The following COL5A2 variants were observed in gnomAD, a reference collection of about 807,000 sequenced individuals.
COL5A2 encodes collagen type V alpha 2 chain.
In COL5A2, 23 loss-of-function variants were observed where a neutral mutation model predicts 208.2. That is an observed-to-expected ratio of 0.11 (90% CI 0.08 to 0.16). The LOEUF is 0.16. Ranked by LOEUF, COL5A2 falls within the 10% of genes least tolerant of loss-of-function variation. The pLI is 1.00. For synonymous variants in COL5A2, 625 were observed against 628.5 expected (o/e 0.99, Z 0.08); for missense variants, 1,590 against 1,956.4 (o/e 0.81, Z 3.53).
At chr2:189,193,530 G>A (rs534569604) in intron 1 of COL5A2, among the ~76,000 whole-genome samples, 63 of 152,284 alleles carry the variant, frequency 4.1e-4, no homozygotes, top group African/African-American at 1.5e-3. Flanking sequence ...TCTTTGTTCT[G>A]AAATTGCAAA....
At chr2:189,377,352 C>G in the COL5A2 span, among the ~76,000 whole-genome samples, 1 of 152,184 alleles carries the variant, frequency 6.6e-6, no homozygotes, top group Admixed American at 6.5e-5. Flanking sequence ...GCCTGTATTA[C>G]TGGAGCACTT....
At chr2:189,398,640 G>T in the COL5A2 span, among the ~76,000 whole-genome samples, 1 of 151,578 alleles carries the variant, frequency 6.6e-6, no homozygotes, top group South Asian at 2.1e-4. Context: ...TTTTTCATTC[G>T]ACCTTTCACT....
At chr2:189,086,646 CA>C in intron 9 of COL5A2, 79 bp downstream of exon 9, 1 of 1,115,584 alleles carries the variant, frequency 9.0e-7, no homozygotes, top group Non-Finnish European at 1.3e-6. Flanking sequence ...CAAAAGCAGT[CA>C]TGTCACAGAG....
chr2:189,299,353 C>A, the COL5A2 span, among the ~76,000 whole-genome samples: 2 of 152,038 alleles, frequency 1.3e-5, no homozygotes, highest in Non-Finnish European at 2.9e-5. Context: ...TTAAGATCAT[C>A]TTTTTTGTTG....
the COL5A2 span, among the ~76,000 whole-genome samples, chr2:189,245,871 A>T: frequency 6.6e-6 from 1 of 152,152 alleles, no homozygotes. Context: ...TGTCATTACA[A>T]CTTTTGTTTA....
the COL5A2 span, among the ~76,000 whole-genome samples, chr2:189,371,144 C>G: frequency 6.6e-6 from 1 of 152,290 alleles, no homozygotes; most frequent in South Asian, 2.1e-4. Context: ...CCTGCTCCCC[C>G]TTTGCCTTCC....
the COL5A2 span, among the ~76,000 whole-genome samples, chr2:189,262,093 A>G: frequency 4.6e-5 from 7 of 152,250 alleles, no homozygotes; most frequent in African/African-American, 1.7e-4. Context: ...TCAAAAGAAA[A>G]TTTCAAAATA....
chr2:189,325,701 C>A, the COL5A2 span, among the ~76,000 whole-genome samples: 1 of 152,208 alleles, frequency 6.6e-6, no homozygotes, highest in Non-Finnish European at 1.5e-5. Context: ...TATACTTTCA[C>A]TCTAACACTT....
chr2:189,217,403 T>G (rs751944159), intron 1 of COL5A2, among the ~76,000 whole-genome samples: 6 of 152,240 alleles, frequency 3.9e-5, no homozygotes, highest in Non-Finnish European at 8.8e-5. Context: ...TTTGTCATTC[T>G]TTCCTTTGTG....
intron 1 of COL5A2, among the ~76,000 whole-genome samples, chr2:189,126,636 T>C (rs1687612506): frequency 6.6e-6 from 1 of 152,056 alleles, no homozygotes; most frequent in African/African-American, 2.4e-5. Flanking sequence ...CCTACAGAGG[T>C]AGCATTATAA....
chr2:189,345,033 C>T, the COL5A2 span, among the ~76,000 whole-genome samples: 1 of 152,132 alleles, frequency 6.6e-6, no homozygotes, highest in East Asian at 1.9e-4. Flanking sequence ...TATGCATGTG[C>T]TGCAAAAGGA....
the COL5A2 span, among the ~76,000 whole-genome samples, chr2:189,264,052 G>T: frequency 6.6e-6 from 1 of 151,982 alleles, no homozygotes. Flanking sequence ...AAAATAAATT[G>T]AAAGTCAATA....
chr2:189,399,051 C>T, the COL5A2 span, among the ~76,000 whole-genome samples: 13 of 152,118 alleles, frequency 8.5e-5, no homozygotes, highest in Non-Finnish European at 1.9e-4. Context: ...ATATAGTTAG[C>T]ATTGGTTAAT....
the COL5A2 span, among the ~76,000 whole-genome samples, chr2:189,415,431 A>G: frequency 8.5e-3 from 1,297 of 151,958 alleles, 18 homozygotes; most frequent in African/African-American, 0.029. Context: ...TTCCATGTGC[A>G]TTTCGGGAAA....
chr2:189,380,646 A>AT, the COL5A2 span, among the ~76,000 whole-genome samples: 122 of 151,832 alleles, frequency 8.0e-4, no homozygotes, highest in East Asian at 0.021. Context: ...AAATATAAAA[A>AT]TTTTTTTAAA....
the COL5A2 span, among the ~76,000 whole-genome samples, chr2:189,281,071 G>A: frequency 5.9e-5 from 9 of 152,092 alleles, no homozygotes; most frequent in East Asian, 1.7e-3. Context: ...TGCACGTTGT[G>A]TGGTTAATTT....
At chr2:189,337,433 C>T in the COL5A2 span, among the ~76,000 whole-genome samples, 29 of 152,116 alleles carry the variant, frequency 1.9e-4, no homozygotes, top group African/African-American at 6.7e-4. Context: ...CCGCCCGCCT[C>T]GGCCTCCCAA....
At chr2:189,228,346 C>T (rs1286070414), upstream of COL5A2, among the ~76,000 whole-genome samples, 2 of 150,586 alleles carry the variant, frequency 1.3e-5, no homozygotes, top group Non-Finnish European at 3.0e-5. Context: ...ATAGAAAAAC[C>T]ATAGAAAAAT....
the COL5A2 span, among the ~76,000 whole-genome samples, chr2:189,365,658 T>C: frequency 6.6e-6 from 1 of 152,252 alleles, no homozygotes; most frequent in Admixed American, 6.5e-5. Flanking sequence ...CCTGGAAGTC[T>C]GTTACTGACC....
Sources: gnomAD v4.1 joint callset for allele counts (sites outside exome capture counted in the v4.1 genomes callset) on GRCh38, gnomAD v4.1.1 for gene constraint, MANE v1.5 for transcripts, NCBI Gene and HGNC (gene_info 2026-07-23, HGNC 2026-07-21) for gene names.